The following SNRNP200 variants were observed in gnomAD, a reference collection of about 807,000 sequenced individuals.
SNRNP200 encodes small nuclear ribonucleoprotein U5 subunit 200, also known as U5 small nuclear ribonucleoprotein 200 kDa helicase.
SNRNP200 carries 66 observed loss-of-function variants against 255.2 expected under a neutral mutation model. The observed-to-expected ratio is 0.26, with a 90% CI of 0.21 to 0.32. The LOEUF (loss-of-function observed/expected upper bound fraction) is 0.32, where lower values mean the gene tolerates loss of function less well. Ranked by LOEUF, SNRNP200 falls within the 10% of genes least tolerant of loss-of-function variation. The pLI is 1.00. For missense variants in SNRNP200, 1,585 were observed against 2,749.8 expected, an observed-to-expected ratio of 0.58 and a Z score of 9.47; for synonymous variants, 939 against 1,027.8, an observed-to-expected ratio of 0.91 and a Z score of 1.65.
chr2:96,301,428 G>A, intron 4 of SNRNP200, 96 bp downstream of exon 4: 1 of 1,275,458 alleles, frequency 7.8e-7, no homozygotes, highest in South Asian at 1.2e-5. Flanking sequence ...GGAACTCACT[G>A]ACATTAAGGT....
intron 5 of SNRNP200, among the ~76,000 whole-genome samples, chr2:96,300,579 C>A (rs192163157): frequency 9.2e-5 from 14 of 152,134 alleles, no homozygotes; most frequent in Admixed American, 7.9e-4. Flanking sequence ...TTGGCTAACA[C>A]GGTGAAACCC....
At position 96,278,252 on chromosome 2, in the gene SNRNP200, G is replaced by T. The variant is rs780688708; in HGVS notation, c.5595C>A (p.Asp1865Glu). 2.5e-6 allele frequency: 4 copies of T among 1,614,216 alleles called. No individual in the cohort carries two copies. The South Asian group carries it at 3.3e-5, about 13-fold the overall frequency. The change falls in exon 39 of 45, where the codon GAC becomes GAA. Residue 1865 changes from aspartate to glutamate, a missense_variant. By Grantham distance (45) the Asp-to-Glu change is conservative (BLOSUM62 2). This residue lies in a region of SNRNP200 where 279 missense variants were observed against 551.2 expected (regional missense o/e 0.51). Coordinates refer to ENST00000323853, the MANE Select transcript of SNRNP200 (RefSeq NM_014014.5). The surrounding 1 kb of genome is among the most constrained non-coding windows in gnomAD (Gnocchi z 6.9). ...YENIPIRHHE[D>E]NLLRQLAQKV... ...CTGTCCTCACCTGCCTCAGGAGATT[G>T]TCTTCATGGTGCCGGATGGGAATGT...
Position 96,284,569 on chromosome 2 carries a change from T to A in SNRNP200, c.4181A>T (p.Tyr1394Phe), listed in dbSNP as rs759490327. ...GTTGAGCCTGTCCTGGAACTTCTCG[T>A]ACCAGTCCATGTATACCTGGCGGGC... Reference protein sequence around the residue: ...ALAEQVYMDWYEKFQDRLNKK... With the variant: ...ALAEQVYMDWFEKFQDRLNKK... The change falls in exon 31 of 45, where the codon TAC (tyrosine) becomes TTC (phenylalanine). Residue 1394 changes from tyrosine (Y) to phenylalanine (F), a missense_variant. This residue lies in a region of SNRNP200 where 719 missense variants were observed against 1,091.1 expected (regional missense o/e 0.66). Transcript: ENST00000323853. 6.2e-7 allele frequency: 1 copy of A among 1,613,890 alleles called. No individual in the cohort carries two copies. Among genetic ancestry groups the A allele is most frequent in the Non-Finnish European group, 8.5e-7 (1 of 1,179,802 alleles).
intron 9 of SNRNP200, 62 bp downstream of exon 9, chr2:96,298,222 G>A (rs1243548178): frequency 6.2e-7 from 1 of 1,608,480 alleles, no homozygotes; most frequent in African/African-American, 1.3e-5. Context: ...TTAGCTTCAT[G>A]CTGCAATCTT....
rs1684626267 is a variant in SNRNP200, at chr2:96,274,792, G to GA, written c.*219dup. On this transcript the variant is annotated 3_prime_UTR_variant, in exon 45 of 45. Transcript: ENST00000323853. ...CAAAAGAACTACCAGGAACATGCCT[G>GA]AAAATGCTATATATGATTTATGCTT... 1 of 591,418 alleles carries GA rather than the reference G, an allele frequency of 1.7e-6. No individual in the cohort carries two copies. The highest frequency in any genetic ancestry group is 1.9e-5 in the African/African-American group (1 of 53,672). The allele number at this position is 591,418 out of a possible 1,614,324, so 36.6% of individuals were successfully genotyped here.
Position 96,291,652 on chromosome 2 carries a change from A to G in SNRNP200, c.2310+99T>C. On this transcript the variant is annotated intron_variant, in intron 17 of 44. Coordinates refer to ENST00000323853, the MANE Select transcript of SNRNP200 (RefSeq NM_014014.5). This position sits in a 1 kb window ranked among gnomAD's most constrained non-coding sequence, Gnocchi z 4.2. ...GACAATCAACCTTAACCCATGGGAA[A>G]CAACAATACCACAGTACAGTCCTAG... is the stretch of plus-strand genomic sequence containing the variant. 1 of 1,434,084 alleles carries G rather than the reference A, an allele frequency of 7.0e-7. No homozygotes were observed. The highest frequency in any genetic ancestry group is 1.1e-5 in the South Asian group (1 of 87,480). 88.8% of individuals were successfully genotyped at this position (1,434,084 alleles called of 1,614,324 possible). A position where few individuals can be genotyped will look rare whatever the true frequency, so the allele number is the denominator to read the frequency against.
chr2:96,280,666 C>T (rs550076797), intron 35 of SNRNP200, among the ~76,000 whole-genome samples: 1 of 152,112 alleles, frequency 6.6e-6, no homozygotes, highest in South Asian at 2.1e-4. Context: ...TCTCCTGCCT[C>T]AGCCTCCCAG....
intron 24 of SNRNP200, 50 bp from the exon 25 acceptor site, chr2:96,288,019 C>A: frequency 6.5e-7 from 1 of 1,528,568 alleles, no homozygotes; most frequent in South Asian, 1.1e-5. Context: ...TATCCCCAGG[C>A]CTCATGAGCC....
At position 96,283,352 on chromosome 2, in the gene SNRNP200, C is replaced by T. The variant is rs751118760; in HGVS notation, c.4764G>A (p.Arg1588=). 6.2e-7 allele frequency: 1 copy of T among 1,614,010 alleles called. No individual in the cohort carries two copies. Among genetic ancestry groups the T allele is most frequent in the Admixed American group, 1.7e-5 (1 of 60,006 alleles). Residue 1588 remains arginine (R), a splice_region_variant and synonymous_variant, in exon 34 of 45, where the codon AGG becomes AGA. Transcript: ENST00000323853. This position sits in a 1 kb window ranked among gnomAD's most constrained non-coding sequence, Gnocchi z 4.7. ...GATCCTTCTCGGTGCAGTGCAAGAA[C>T]CTGTGCGGTACAGGCACTGGCTCAG... is the stretch of plus-strand genomic sequence containing the variant. ...TTCAADIQRQ[R]FLHCTEKDLI...
In SNRNP200 at chr2:96,283,186, C is replaced by T. The variant is rs766185839; in HGVS notation, c.4915+15G>A. ...TGATACCCTTGCTATGCTCCCCTTC[C>T]GTGGCCTGACTTACCTGAGCTGAAG... On this transcript the variant is annotated intron_variant, in intron 34 of 44. Transcript: ENST00000323853. This position sits in a 1 kb window ranked among gnomAD's most constrained non-coding sequence, Gnocchi z 4.7. 190 of 1,613,730 alleles carry T rather than the reference C, an allele frequency of 1.2e-4. No individual in the cohort carries two copies. The highest frequency in any genetic ancestry group is 1.5e-4 in the African/African-American group (11 of 74,942).
chr2:96,292,998 T>C lies in SNRNP200; in HGVS notation c.2134A>G (p.Ile712Val). ...QIMNEIVYEK[I>V]MEHAGKNQVL... ...TGATTTTTTCCAGCATGTTCCATGA[T>C]TTTTTCATAGACGATTTCATTCATG... The change falls in exon 16 of 45, where the codon ATC becomes GTC. Residue 712 changes from isoleucine (I) to valine (V), a missense_variant. Ile to Val is a conservative substitution (Grantham distance 29). This residue lies in a region of SNRNP200 where 140 missense variants were observed against 274.9 expected (regional missense o/e 0.51). Coordinates refer to ENST00000323853, the MANE Select transcript of SNRNP200 (RefSeq NM_014014.5). 2 of 1,614,194 alleles carry C rather than the reference T, an allele frequency of 1.2e-6. No individual in the cohort carries two copies. Among genetic ancestry groups the C allele is most frequent in the Non-Finnish European group, 1.7e-6 (2 of 1,180,018 alleles).
rs1252399997 is a variant in SNRNP200, at chr2:96,286,861, T to A, written c.3656A>T (p.Glu1219Val). 17 of 1,613,966 alleles carry A rather than the reference T, an allele frequency of 1.1e-5. No individual in the cohort carries two copies. Among genetic ancestry groups the A allele is most frequent in the Non-Finnish European group, 1.4e-5 (17 of 1,180,022 alleles). Residue 1219 changes from glutamate to valine, a missense_variant, in exon 28 of 45, where the codon GAG (glutamate) becomes GTG (valine). Transcript: ENST00000323853. The surrounding 1 kb of genome is among the most constrained non-coding windows in gnomAD (Gnocchi z 4.8). ...QWDEKVHGSS[E>V]AFWILVEDVD... ...ATCCTCCACCAGAATCCAAAAAGCCTCGGATGAACCATGCACCTGCCAACA... is the reference window on the plus strand; with the variant it reads ...ATCCTCCACCAGAATCCAAAAAGCCACGGATGAACCATGCACCTGCCAACA...
rs1250035546 is a variant in SNRNP200 at position 96,304,697 on chromosome 2, G to A, written c.209+8C>T. On this transcript the variant is annotated splice_region_variant and intron_variant, in intron 2 of 44. Coordinates refer to ENST00000323853, the MANE Select transcript of SNRNP200 (RefSeq NM_014014.5). ...TGAAGGAAAAAATAGTATCCCCTTG[G>A]CACTCACTTGGCTCTTCTTTCCTCC... The A allele has an allele frequency of 4.3e-6, 7 of 1,613,884 alleles. No homozygotes were observed. In the Admixed American group the frequency reaches 8.3e-5, roughly 19 times the overall value.
rs576222941 is a variant in SNRNP200, at chr2:96,287,421, C to T, written c.3484+18G>A. 18 of 1,557,498 alleles carry T rather than the reference C, an allele frequency of 1.2e-5. No individual in the cohort carries two copies. The African/African-American group carries it at 1.2e-4, about 11-fold the overall frequency. On this transcript the variant is annotated intron_variant, in intron 26 of 44. Transcript: ENST00000323853. The surrounding 1 kb of genome is among the most constrained non-coding windows in gnomAD (Gnocchi z 5.7). ...GACACCCAGGCAGTGAGGACAAGGGCGAGAGCATCCCACACACCAATCTCA... is the reference window on the plus strand; with the variant it reads ...GACACCCAGGCAGTGAGGACAAGGGTGAGAGCATCCCACACACCAATCTCA...
At chr2:96,282,918 G>A (rs904981242) in intron 34 of SNRNP200, 23 of 516,390 alleles carry the variant, frequency 4.5e-5, no homozygotes, top group East Asian at 3.6e-4. Context: ...GAGAATCAGC[G>A]GTCTGGTGGC....
At position 96,285,358 on chromosome 2, in the gene SNRNP200, G is replaced by C. The variant is rs569107259; in HGVS notation, c.4004-18C>G. ...GTTAAACACTGGAAACCAACAGAAA[G>C]AAGCAGTGTAAGTATCAAGAAGGAA... On this transcript the variant is annotated intron_variant, in intron 29 of 44. Coordinates refer to ENST00000323853, the MANE Select transcript of SNRNP200 (RefSeq NM_014014.5). 6.8e-6 allele frequency: 11 copies of C among 1,613,898 alleles called. No individual in the cohort carries two copies. In the South Asian group the frequency reaches 9.9e-5, roughly 14 times the overall value.
Position 96,291,648 on chromosome 2 carries a change from G to A in SNRNP200, c.2310+103C>T. Reference sequence around the variant, plus strand: ...TCCAGACAATCAACCTTAACCCATGGGAAACAACAATACCACAGTACAGTC... The same window carrying A: ...TCCAGACAATCAACCTTAACCCATGAGAAACAACAATACCACAGTACAGTC... On this transcript the variant is annotated intron_variant, in intron 17 of 44. Transcript: ENST00000323853. This position sits in a 1 kb window ranked among gnomAD's most constrained non-coding sequence, Gnocchi z 4.2. 4.2e-6 allele frequency: 6 copies of A among 1,416,036 alleles called. No individual in the cohort carries two copies. The highest frequency in any genetic ancestry group is 5.0e-6 in the Non-Finnish European group (5 of 1,004,228). The allele number at this position is 1,416,036 out of a possible 1,614,324, so 87.7% of individuals were successfully genotyped here.
At chr2:96,285,905 G>C (rs560157550) in intron 29 of SNRNP200, among the ~76,000 whole-genome samples, 2 of 152,326 alleles carry the variant, frequency 1.3e-5, no homozygotes, top group East Asian at 3.9e-4. Flanking sequence ...GGAGGAATAA[G>C]AGAGAAAACA....
intron 7 of SNRNP200, 26 bp downstream of exon 7, chr2:96,298,789 T>C (rs1305760706): frequency 6.2e-7 from 1 of 1,614,116 alleles, no homozygotes; most frequent in South Asian, 1.1e-5. Flanking sequence ...ACACTAAATA[T>C]ACAACTATTG....
Sources: allele counts gnomAD v4.1 joint callset (sites outside exome capture counted in the v4.1 genomes callset), GRCh38; gene constraint gnomAD v4.1.1; regional missense constraint gnomAD v4.1.1; non-coding constraint Gnocchi (gnomAD v3.1); transcripts MANE v1.5; gene names NCBI Gene and HGNC (gene_info 2026-07-23, HGNC 2026-07-21).